The following ITGB6 variants were observed in gnomAD, a reference collection of about 807,000 sequenced individuals.
The protein encoded by ITGB6 is integrin subunit beta 6.
In ITGB6, 80 loss-of-function variants were observed where a neutral mutation model predicts 84.5. That is an observed-to-expected ratio of 0.95 (90% CI 0.79 to 1.14). The LOEUF (loss-of-function observed/expected upper bound fraction) is 1.14, where lower values mean the gene tolerates loss of function less well. Ranked by LOEUF, ITGB6 falls within the 50% of genes most tolerant of loss-of-function variation. The pLI is 0.00. For synonymous variants in ITGB6, 383 were observed against 354.9 expected (o/e 1.08, Z -0.89); for missense variants, 1,006 against 968.0 (o/e 1.04, Z -0.52).
At chr2:160,185,232 C>T (rs1244809619) in intron 4 of ITGB6, among the ~76,000 whole-genome samples, 1 of 152,176 alleles carries the variant, frequency 6.6e-6, no homozygotes, top group Non-Finnish European at 1.5e-5. Context: ...TAGAAAACCC[C>T]ATCATCTTAG....
At chr2:160,199,354 A>G in intron 1 of ITGB6, 96 bp from the exon 2 acceptor site, 1 of 889,036 alleles carries the variant, frequency 1.1e-6, no homozygotes, top group East Asian at 2.5e-5. Context: ...ACAAAACAAC[A>G]TCAAAGTTTA....
chr2:160,188,921 C>G (rs1206155667), intron 4 of ITGB6, among the ~76,000 whole-genome samples: 2 of 152,158 alleles, frequency 1.3e-5, no homozygotes, highest in South Asian at 4.2e-4. Flanking sequence ...CAATTCTTAG[C>G]TAGAGGCATC....
chr2:160,186,939 G>A (rs186440553), intron 4 of ITGB6, among the ~76,000 whole-genome samples: 5 of 137,546 alleles, frequency 3.6e-5, no homozygotes, highest in Non-Finnish European at 7.8e-5. Context: ...ACAGGGAGGG[G>A]AACATCACAC....
At chr2:160,118,292 A>G (rs910571091) in intron 12 of ITGB6, among the ~76,000 whole-genome samples, 4 of 152,268 alleles carry the variant, frequency 2.6e-5, no homozygotes, top group Non-Finnish European at 4.4e-5. Context: ...CGAATCCAGC[A>G]GCACATCAAA....
intron 14 of ITGB6, 123 bp from the exon 15 acceptor site, chr2:160,101,957 G>T: frequency 1.6e-6 from 1 of 619,464 alleles, no homozygotes; most frequent in Non-Finnish European, 2.8e-6. Context: ...GAACAATTTT[G>T]ATTAATTTGG....
Position 160,200,071 on chromosome 2 carries a change from A to C in ITGB6, c.-8T>G, listed in dbSNP as rs757608776. The C allele has an allele frequency of 6.2e-7, 1 of 1,613,464 alleles. No homozygotes were observed. On this transcript the variant is annotated 5_prime_UTR_variant, in exon 1 of 15. Coordinates refer to ENST00000283249, the MANE Select transcript of ITGB6 (RefSeq NM_000888.5). ...AAGCAGTTCAATCCCCATTCGTTTC[A>C]GTTCTTGCTGTGCAGACCGATTAAA...
At chr2:160,106,214 T>A (rs1177094439) in intron 14 of ITGB6, among the ~76,000 whole-genome samples, 1 of 152,200 alleles carries the variant, frequency 6.6e-6, no homozygotes, top group Admixed American at 6.5e-5. Context: ...CATGTATTAA[T>A]CTTTTTTCAG....
intron 7 of ITGB6, among the ~76,000 whole-genome samples, chr2:160,164,259 G>T (rs560000956): frequency 6.6e-6 from 1 of 152,282 alleles, no homozygotes; most frequent in African/African-American, 2.4e-5. Context: ...ATAGTTCACA[G>T]GAGGTACTCA....
At chr2:160,162,491 A>C (rs1329989019) in intron 7 of ITGB6, among the ~76,000 whole-genome samples, 3 of 152,224 alleles carry the variant, frequency 2.0e-5, no homozygotes, top group African/African-American at 7.2e-5. Flanking sequence ...GAACTAGACC[A>C]GAGTTGGGCA....
At chr2:160,140,636 GTT>G (rs1559142489) in intron 8 of ITGB6, among the ~76,000 whole-genome samples, 1 of 152,086 alleles carries the variant, frequency 6.6e-6, no homozygotes, top group Non-Finnish European at 1.5e-5. Flanking sequence ...TTTTTATAGC[GTT>G]TTGTTGATGA....
At chr2:160,196,576 A>G (rs1342063630) in intron 2 of ITGB6, among the ~76,000 whole-genome samples, 156 bp from the exon 3 acceptor site, 1 of 152,182 alleles carries the variant, frequency 6.6e-6, no homozygotes, top group Non-Finnish European at 1.5e-5. Context: ...ATAGGTCTAA[A>G]GTTAAGTTAT....
Position 160,138,066 on chromosome 2 carries a change from G to A in ITGB6, c.1241C>T (p.Thr414Ile). 1.2e-6 allele frequency: 2 copies of A among 1,611,484 alleles called. No individual in the cohort carries two copies. Among genetic ancestry groups the A allele is most frequent in the South Asian group, 1.1e-5 (1 of 90,310 alleles). Reference protein sequence around the residue: ...KKCSHMKVGDTASFSVTVNIP... With the variant: ...KKCSHMKVGDIASFSVTVNIP... Reference sequence around the variant, plus strand: ...ACTATCTACTGGCCAGCTACTTACTGTGTCTCCCACTTTCATGTGAGAGCA... The same window carrying A: ...ACTATCTACTGGCCAGCTACTTACTATGTCTCCCACTTTCATGTGAGAGCA... The change falls in exon 9 of 15, where the codon ACA becomes ATA. Residue 414 changes from threonine (T) to isoleucine (I), a missense_variant and splice_region_variant. Coordinates refer to ENST00000283249, the MANE Select transcript of ITGB6 (RefSeq NM_000888.5).
At chr2:160,139,543 T>G (rs531363202) in intron 8 of ITGB6, among the ~76,000 whole-genome samples, 1 of 152,150 alleles carries the variant, frequency 6.6e-6, no homozygotes, top group African/African-American at 2.4e-5. Flanking sequence ...TAAATAAAAA[T>G]TAAGGGATAT....
chr2:160,134,571 C>T (rs985472232), intron 10 of ITGB6, among the ~76,000 whole-genome samples: 2 of 152,176 alleles, frequency 1.3e-5, no homozygotes, highest in African/African-American at 4.8e-5. Context: ...CAGCATCATC[C>T]TGATACCAAA....
At chr2:160,175,438 A>T (rs1685381399) in intron 4 of ITGB6, among the ~76,000 whole-genome samples, 1 of 152,244 alleles carries the variant, frequency 6.6e-6, no homozygotes, top group African/African-American at 2.4e-5. Context: ...CCCTATATGC[A>T]CATTCCCAAC....
At chr2:160,125,448 A>G (rs1683200102) in intron 11 of ITGB6, among the ~76,000 whole-genome samples, 1 of 152,220 alleles carries the variant, frequency 6.6e-6, no homozygotes, top group Non-Finnish European at 1.5e-5. Flanking sequence ...CCTTGAAGGG[A>G]CATTTTCCAT....
At chr2:160,182,770 C>A (rs1051271550) in intron 4 of ITGB6, among the ~76,000 whole-genome samples, 9 of 152,150 alleles carry the variant, frequency 5.9e-5, no homozygotes, top group Admixed American at 5.9e-4. Context: ...CGAAGAGAAG[C>A]CCATCAGACT....
intron 2 of ITGB6, among the ~76,000 whole-genome samples, chr2:160,198,199 A>G (rs530363268): frequency 6.6e-6 from 1 of 152,236 alleles, no homozygotes; most frequent in Admixed American, 6.5e-5. Context: ...CAGGAACTAA[A>G]AAAAAGCATA....
intron 4 of ITGB6, among the ~76,000 whole-genome samples, chr2:160,190,202 T>G: frequency 1.4e-5 from 1 of 70,594 alleles, no homozygotes; most frequent in African/African-American, 5.6e-5. Context: ...CAGGGACTGT[T>G]GTGGGTTGGG....
Sources: allele counts gnomAD v4.1 joint callset (sites outside exome capture counted in the v4.1 genomes callset), GRCh38; gene constraint gnomAD v4.1.1; transcripts MANE v1.5; gene names NCBI Gene and HGNC (gene_info 2026-07-23, HGNC 2026-07-21).